The following TBL1XR1 variants were observed in gnomAD, a reference collection of about 807,000 sequenced individuals.
TBL1XR1 encodes TBL1X/Y related 1.
TBL1XR1 carries 5 observed loss-of-function variants against 66.9 expected under a neutral mutation model. The ratio of observed to expected loss-of-function variants is 0.07; its 90% CI spans 0.04 to 0.16. The LOEUF (loss-of-function observed/expected upper bound fraction) is 0.16, where lower values mean the gene tolerates loss of function less well. TBL1XR1 is among the 10% of genes least tolerant of loss of function. The pLI, the probability that TBL1XR1 is intolerant of heterozygous loss-of-function variation, is 1.00. For synonymous variants in TBL1XR1, 210 were observed against 206.0 expected (o/e 1.02, Z -0.17); for missense variants, 238 against 623.2 (o/e 0.38, Z 6.58).
intron 1 of TBL1XR1, among the ~76,000 whole-genome samples, chr3:177,167,866 C>T (rs1733008408): frequency 6.6e-6 from 1 of 152,088 alleles, no homozygotes. Context: ...GTGGAGGCTG[C>T]AGTGAGTCGA....
chr3:177,150,016 C>T (rs1047863863), intron 1 of TBL1XR1, among the ~76,000 whole-genome samples: 3 of 152,174 alleles, frequency 2.0e-5, no homozygotes, highest in African/African-American at 7.2e-5. Context: ...ACTTTGAGAA[C>T]ATGCCATATG....
chr3:177,077,231 G>A (rs562217386), intron 2 of TBL1XR1, among the ~76,000 whole-genome samples: 1 of 152,200 alleles, frequency 6.6e-6, no homozygotes, highest in African/African-American at 2.4e-5. Context: ...GAACCACAAA[G>A]AAATTTTAAA....
At chr3:177,110,476 A>C (rs1725416160) in intron 1 of TBL1XR1, among the ~76,000 whole-genome samples, 1 of 152,228 alleles carries the variant, frequency 6.6e-6, no homozygotes, top group South Asian at 2.1e-4. Flanking sequence ...TCTTTGCTTA[A>C]GAACACCTGG....
intron 2 of TBL1XR1, among the ~76,000 whole-genome samples, chr3:177,081,882 C>T (rs1407332764): frequency 6.6e-6 from 1 of 151,548 alleles, no homozygotes; most frequent in Non-Finnish European, 1.5e-5. Context: ...TCTAACTGAA[C>T]TATTGTTTCT....
intron 14 of TBL1XR1, chr3:177,027,851 A>G (rs1257476526): frequency 6.6e-6 from 1 of 152,248 alleles, no homozygotes; most frequent in African/African-American, 2.4e-5. Context: ...AAGTTCAAGT[A>G]TAGTAGGCTT....
chr3:177,092,545 A>T (rs1311305077), intron 2 of TBL1XR1, among the ~76,000 whole-genome samples: 6 of 152,166 alleles, frequency 3.9e-5, no homozygotes, highest in Non-Finnish European at 7.4e-5. Flanking sequence ...GAAAAATTGA[A>T]GCTAAGTAGA....
intron 13 of TBL1XR1, 112 bp downstream of exon 13, chr3:177,034,082 GAAAA>G (rs200642827): frequency 4.5e-5 from 42 of 926,756 alleles, no homozygotes; most frequent in Admixed American, 1.3e-4. Flanking sequence ...ACTGAAATTG[GAAAA>G]AAAAAAAAAA....
At chr3:177,143,467 G>GTT (rs530229814) in intron 1 of TBL1XR1, among the ~76,000 whole-genome samples, 8 of 152,106 alleles carry the variant, frequency 5.3e-5, no homozygotes, top group Non-Finnish European at 1.2e-4. Context: ...TGTAAATGCT[G>GTT]TAAGTTTTTT....
chr3:177,036,478 G>C (rs1421911148), intron 12 of TBL1XR1, among the ~76,000 whole-genome samples: 1 of 152,166 alleles, frequency 6.6e-6, no homozygotes, highest in Non-Finnish European at 1.5e-5. Context: ...ATGAAGAAAA[G>C]CTCTCTAACA....
upstream of TBL1XR1, among the ~76,000 whole-genome samples, chr3:177,198,624 T>C (rs1051588267): frequency 9.2e-5 from 14 of 152,248 alleles, no homozygotes; most frequent in Middle Eastern, 6.8e-3. Context: ...GGTAGGGTGC[T>C]TTTTAGAGCT....
At chr3:177,105,023 C>A (rs952843606) in intron 1 of TBL1XR1, among the ~76,000 whole-genome samples, 2 of 152,180 alleles carry the variant, frequency 1.3e-5, no homozygotes, top group Non-Finnish European at 2.9e-5. Flanking sequence ...TACTTAGGCA[C>A]TAACGCCTAT....
intron 4 of TBL1XR1, 23 bp from the exon 5 acceptor site, chr3:177,051,749 G>A: frequency 6.6e-7 from 1 of 1,509,946 alleles, no homozygotes; most frequent in Non-Finnish European, 8.9e-7. Flanking sequence ...AATTGTGAGA[G>A]AAGAAAAATC....
chr3:177,191,793 G>C (rs4857824), intron 1 of TBL1XR1, among the ~76,000 whole-genome samples: 9,721 of 152,184 alleles, frequency 0.064, 925 homozygotes, highest in East Asian at 0.49. Context: ...CCCAAACCTT[G>C]AAAGAGTTCC....
intron 1 of TBL1XR1, among the ~76,000 whole-genome samples, chr3:177,167,403 T>C (rs1732949428): frequency 6.6e-6 from 1 of 152,136 alleles, no homozygotes; most frequent in Non-Finnish European, 1.5e-5. Flanking sequence ...TAAGGCAAGA[T>C]GCAAATGTCA....
intron 4 of TBL1XR1, among the ~76,000 whole-genome samples, chr3:177,052,271 A>C (rs1717196688): frequency 6.6e-6 from 1 of 152,230 alleles, no homozygotes; most frequent in African/African-American, 2.4e-5. Flanking sequence ...GATATTAGGA[A>C]GTTCCTAATA....
chr3:177,174,570 G>C (rs937676228), intron 1 of TBL1XR1, among the ~76,000 whole-genome samples: 1 of 152,044 alleles, frequency 6.6e-6, no homozygotes, highest in African/African-American at 2.4e-5. Flanking sequence ...TCATACTCCT[G>C]TTCCCCAGAA....
intron 2 of TBL1XR1, among the ~76,000 whole-genome samples, chr3:177,085,053 T>G (rs2067576): frequency 6.6e-6 from 1 of 152,200 alleles, no homozygotes; most frequent in Non-Finnish European, 1.5e-5. Flanking sequence ...CCAGTTTCTT[T>G]CAATCAAAAA....
Position 177,103,183 on chromosome 3 carries a change from T to A in TBL1XR1, c.-121-4642A>T, listed in dbSNP as rs147093095. 2.0e-3 allele frequency among the ~76,000 whole-genome samples: 297 copies of A among 152,294 alleles called. 1 individual carries two copies. Among genetic ancestry groups the A allele is most frequent in the African/African-American group, 6.9e-3 (287 of 41,560 alleles). ...TTGAAAATGCTTGAGAGAACCTGGT[T>A]ATATACCAGTAACTTTAACACCACT... On this transcript the variant is annotated intron_variant, in intron 1 of 15. Coordinates refer to ENST00000457928, the MANE Select transcript of TBL1XR1 (RefSeq NM_024665.7).
At chr3:177,141,349 G>C (rs1209094615) in intron 1 of TBL1XR1, among the ~76,000 whole-genome samples, 1 of 152,100 alleles carries the variant, frequency 6.6e-6, no homozygotes, top group African/African-American at 2.4e-5. Context: ...AGAATACCAG[G>C]TAGAAGTTAA....
Sources: allele counts gnomAD v4.1 joint callset (sites outside exome capture counted in the v4.1 genomes callset), GRCh38; gene constraint gnomAD v4.1.1; transcripts MANE v1.5; gene names NCBI Gene and HGNC (gene_info 2026-07-23, HGNC 2026-07-21).